The following IDH3G variants were observed in gnomAD, a reference collection of about 807,000 sequenced individuals.
IDH3G encodes isocitrate dehydrogenase [NAD] subunit gamma, mitochondrial.
In IDH3G, 9 loss-of-function variants were observed where a neutral mutation model predicts 26.9. The observed-to-expected ratio is 0.34, with a 90% confidence interval of 0.20 to 0.58. The LOEUF is 0.58. IDH3G is among the 20% of genes least tolerant of loss of function. IDH3G has a pLI of 0.85. For synonymous variants in IDH3G, 181 were observed against 160.0 expected (o/e 1.13, Z -0.99); for missense variants, 250 against 372.8 (o/e 0.67, Z 2.71).
chrX:153,789,679 G>A (rs373964196), intron 5 of IDH3G, 33 bp downstream of exon 5: 18 of 847,124 alleles, frequency 2.1e-5, no homozygotes, highest in Non-Finnish European at 3.1e-5. Flanking sequence ...TCACACCTAG[G>A]GCCCCATCCT....
Position 153,786,408 on chromosome X carries a change from G to A in IDH3G, c.966C>T (p.Ile322=), listed in dbSNP as rs369999361. 1.3e-5 allele frequency: 16 copies of A among 1,202,235 alleles called. No homozygotes were observed. The highest frequency in any genetic ancestry group is 1.0e-4 in the African/African-American group (6 of 57,197). Residue 322 remains isoleucine, a synonymous_variant, in exon 11 of 13, where the codon ATC becomes ATT. Transcript: ENST00000217901. The stretch of plus-strand genomic sequence containing the variant: ...CCAGCAGGGTGGCCGTGGGGTTGGC[G>A]ATGTTCTTATTGGCGATACTCTTGC... The part of the protein sequence containing the change: ...NTGKSIANKN[I]ANPTATLLAS...
intron 9 of IDH3G, 32 bp downstream of exon 9, chrX:153,787,019 G>A (rs201110748): frequency 8.4e-7 from 1 of 1,192,709 alleles, no homozygotes; most frequent in African/African-American, 1.7e-5. Context: ...AGGGCACTCA[G>A]GGCAGGGGGA....
At position 153,786,906 on chromosome X, in the gene IDH3G, G is replaced by A; in HGVS notation, c.819C>T (p.Pro273=). Residue 273 remains proline, a synonymous_variant, in exon 10 of 13, where the codon CCC becomes CCT. Coordinates refer to ENST00000217901, the MANE Select transcript of IDH3G (RefSeq NM_004135.4). The stretch of plus-strand genomic sequence containing the variant: ...TGTTGACGATGTTGCCATAGAGATT[G>A]GGCATCACCATGACATCAAACTGCT... ...RPQQFDVMVM[P]NLYGNIVNNV... 8.3e-7 allele frequency: 1 copy of A among 1,210,336 alleles called. No homozygotes were observed. The highest frequency in any genetic ancestry group is 1.7e-5 in the African/African-American group (1 of 57,991).
intron 1 of IDH3G, among the ~76,000 whole-genome samples, chrX:153,792,686 C>T (rs1020288621): frequency 8.9e-6 from 1 of 112,737 alleles, no homozygotes; most frequent in South Asian, 3.6e-4. Context: ...CTCTGCCACC[C>T]GGTCCCTGTG....
Position 153,789,864 on chromosome X carries a change from C to T in IDH3G, c.234-40G>A, listed in dbSNP as rs781900065. The T allele has an allele frequency of 7.8e-6, 7 of 902,177 alleles. No individual in the cohort carries two copies. In the East Asian group the frequency reaches 9.6e-5, roughly 12 times the overall value. The allele number at this position is 902,177 out of a possible 1,213,427, so 74.3% of individuals were successfully genotyped here. ...GGTCAGGGAGGCTGGCCCAGACCCC[C>T]CCGCACCTCCTCCAGGAAGCCTGCC... On this transcript the variant is annotated intron_variant, in intron 4 of 12. Transcript: ENST00000217901.
At position 153,787,863 on chromosome X, in the gene IDH3G, C is replaced by T; in HGVS notation, c.500G>A (p.Arg167Gln). ...RHKDIDILIVRENTEGEYSSL... is the reference protein window; with the variant it reads ...RHKDIDILIVQENTEGEYSSL... The stretch of plus-strand genomic sequence containing the variant: ...GCTGTACTCGCCCTCTGTGTTCTCC[C>T]GGACAATGAGGATGTCTATGTCCTT... The change falls in exon 7 of 13, where the codon CGG (arginine) becomes CAG (glutamine). Residue 167 changes from arginine to glutamine, a missense_variant. Transcript: ENST00000217901. The T allele has an allele frequency of 8.3e-7, 1 of 1,210,810 alleles. No individual in the cohort carries two copies. The highest frequency in any genetic ancestry group is 1.1e-6 in the Non-Finnish European group (1 of 894,467).
At position 153,786,961 on chromosome X, in the gene IDH3G, A is replaced by G; in HGVS notation, c.778-14T>C. 2.5e-6 allele frequency: 3 copies of G among 1,205,036 alleles called. No homozygotes were observed. Among genetic ancestry groups the G allele is most frequent in the Non-Finnish European group, 3.4e-6 (3 of 890,279 alleles). On this transcript the variant is annotated splice_polypyrimidine_tract_variant and intron_variant, in intron 9 of 12. Coordinates refer to ENST00000217901, the MANE Select transcript of IDH3G (RefSeq NM_004135.4). Reference sequence around the variant, plus strand: ...CCGGGACACCAGCTGCGGGACAAGGAGGGGGCTGGCTGAGGAGCAGATTCG... The same window carrying G: ...CCGGGACACCAGCTGCGGGACAAGGGGGGGGCTGGCTGAGGAGCAGATTCG...
At position 153,794,349 on chromosome X, in the gene IDH3G, A is replaced by G. The variant is rs781864444; in HGVS notation, c.-23T>C. On this transcript the variant is annotated 5_prime_UTR_variant, in exon 1 of 13. Coordinates refer to ENST00000217901, the MANE Select transcript of IDH3G (RefSeq NM_004135.4). ...CATGACGGAAAGTGAGAGCCTCCGC[A>G]CGTCCCGACACGCAGATACCGCTCT... The G allele has an allele frequency of 1.1e-5, 13 of 1,181,709 alleles. No homozygotes were observed. The highest frequency in any genetic ancestry group is 2.3e-6 in the Non-Finnish European group (2 of 881,119).
chrX:153,793,365 T>C (rs1335858796), intron 1 of IDH3G, among the ~76,000 whole-genome samples: 1 of 111,908 alleles, frequency 8.9e-6, no homozygotes, highest in Admixed American at 9.4e-5. Flanking sequence ...GGAGAAAACA[T>C]GGCAAGTAGA....
At chrX:153,789,235 G>A (rs2092100181) in intron 5 of IDH3G, 1 of 339,553 alleles carries the variant, frequency 2.9e-6, no homozygotes, top group African/African-American at 2.6e-5. Flanking sequence ...ACAAGAGTCA[G>A]CTCAGAGGGA....
chrX:153,794,044 C>A, intron 1 of IDH3G: 1 of 426,027 alleles, frequency 2.3e-6, no homozygotes, highest in Non-Finnish European at 3.9e-6. Flanking sequence ...CCGATGCAGA[C>A]CCCCTGGGGG....
At chrX:153,790,688 G>A (rs1386586343) in intron 2 of IDH3G, 113 bp from the exon 3 acceptor site, 30 of 1,064,250 alleles carry the variant, frequency 2.8e-5, no homozygotes, top group Non-Finnish European at 3.4e-5. Flanking sequence ...ACAACTCCCA[G>A]AAGAGGGGTG....
rs199892346 is a variant in IDH3G at position 153,789,863 on chromosome X, C to T, written c.234-39G>A. ...GGGTCAGGGAGGCTGGCCCAGACCC[C>T]CCCGCACCTCCTCCAGGAAGCCTGC... On this transcript the variant is annotated intron_variant, in intron 4 of 12. Coordinates refer to ENST00000217901, the MANE Select transcript of IDH3G (RefSeq NM_004135.4). 5.4e-5 allele frequency: 49 copies of T among 899,401 alleles called. No homozygotes were observed. The Admixed American group carries it at 1.2e-3, about 22-fold the overall frequency. 74.1% of individuals were successfully genotyped at this position (899,401 alleles called of 1,213,427 possible).
intron 2 of IDH3G, 56 bp downstream of exon 2, chrX:153,790,754 G>C: frequency 1.7e-6 from 2 of 1,156,572 alleles, no homozygotes; most frequent in Non-Finnish European, 2.4e-6. Flanking sequence ...GCACACACGC[G>C]CACAATTGCG....
chrX:153,790,536 A>G (rs782587933), intron 3 of IDH3G, 28 bp downstream of exon 3: 2 of 1,201,568 alleles, frequency 1.7e-6, no homozygotes, highest in East Asian at 5.9e-5. Flanking sequence ...GAGCCCCCCA[A>G]ACCTAACAGG....
intron 3 of IDH3G, 60 bp downstream of exon 3, chrX:153,790,504 T>C (rs2092105301): frequency 8.8e-7 from 1 of 1,142,017 alleles, no homozygotes; most frequent in South Asian, 1.8e-5. Context: ...ACCTGGAATT[T>C]AGTTAACCCC....
intron 3 of IDH3G, 95 bp from the exon 4 acceptor site, chrX:153,790,387 G>A: frequency 2.2e-6 from 2 of 901,195 alleles, no homozygotes; most frequent in Non-Finnish European, 1.6e-6. Context: ...TCTTCCCACT[G>A]GCGCTGACCC....
chrX:153,793,967 A>G, intron 1 of IDH3G: 2 of 271,864 alleles, frequency 7.4e-6, no homozygotes, highest in Middle Eastern at 1.1e-3. Flanking sequence ...GGCTCCTTCA[A>G]GGACACTAAG....
chrX:153,792,635 C>T (rs781944044), intron 1 of IDH3G, among the ~76,000 whole-genome samples: 11 of 112,674 alleles, frequency 9.8e-5, no homozygotes, highest in African/African-American at 3.5e-4. Context: ...ATGGACCTCC[C>T]TCACAGATGG....
Sources: allele counts gnomAD v4.1 joint callset (sites outside exome capture counted in the v4.1 genomes callset), GRCh38; gene constraint gnomAD v4.1.1; transcripts MANE v1.5; gene names NCBI Gene and HGNC (gene_info 2026-07-23, HGNC 2026-07-21).